Variants in DEUP1 observed in about 807,000 individuals in gnomAD.
DEUP1 encodes coiled-coil domain containing 67.
Under a neutral mutation model 87.4 loss-of-function variants are expected in DEUP1, and 82 were observed. The observed-to-expected ratio is 0.94, with a 90% CI of 0.78 to 1.13. DEUP1 has a LOEUF of 1.13. DEUP1 is among the 50% of genes most tolerant of loss of function. The pLI is 0.00. For missense variants in DEUP1, 663 were observed against 681.5 expected, an observed-to-expected ratio of 0.97 and a Z score of 0.30; for synonymous variants, 214 against 222.7, an observed-to-expected ratio of 0.96 and a Z score of 0.35.
chr11:93,417,020 G>C (rs999424657), intron 13 of DEUP1, among the ~76,000 whole-genome samples: 1 of 151,446 alleles, frequency 6.6e-6, no homozygotes, highest in African/African-American at 2.4e-5. Flanking sequence ...GGTATACATG[G>C]GACGTATCTC....
At chr11:93,405,350 T>C (rs1947239474) in intron 11 of DEUP1, among the ~76,000 whole-genome samples, 1 of 152,012 alleles carries the variant, frequency 6.6e-6, no homozygotes, top group African/African-American at 2.4e-5. Context: ...TACAGATTGC[T>C]CTTTTATCTG....
At position 93,408,328 on chromosome 11, in the gene DEUP1, A is replaced by T. The variant is rs1174426220; in HGVS notation, c.1424A>T (p.His475Leu). The T allele has an allele frequency of 1.9e-6, 3 of 1,578,252 alleles. No homozygotes were observed. The highest frequency in any genetic ancestry group is 2.3e-5 in the East Asian group (1 of 43,598). The change falls in exon 12 of 14, where the codon CAT becomes CTT. Residue 475 changes from histidine (H) to leucine (L), a missense_variant. By Grantham distance (99) the His-to-Leu change is moderately conservative (BLOSUM62 -3). Transcript: ENST00000298050. Reference protein sequence around the residue: ...ERLRNDLAKLHVNGKSTWTNQ... With the variant: ...ERLRNDLAKLLVNGKSTWTNQ... ...CTCCGAAATGATCTTGCAAAACTTC[A>T]TGTCAATGGAAAATCAACCTGGACT...
At chr11:93,392,659 T>G (rs1020116652) in intron 9 of DEUP1, among the ~76,000 whole-genome samples, 1 of 144,958 alleles carries the variant, frequency 6.9e-6, no homozygotes, top group Non-Finnish European at 1.5e-5. Context: ...GTAATAACAT[T>G]CTGGCTACAT....
chr11:93,332,375 A>G, intron 2 of DEUP1, 87 bp downstream of exon 2: 1 of 1,056,596 alleles, frequency 9.5e-7, no homozygotes. Context: ...GAAATTTACT[A>G]TTAATAGAAG....
intron 7 of DEUP1, among the ~76,000 whole-genome samples, chr11:93,379,325 T>C (rs1044166089): frequency 6.6e-6 from 1 of 152,218 alleles, no homozygotes; most frequent in African/African-American, 2.4e-5. Flanking sequence ...CTTTCCTTGA[T>C]CAACTCCACC....
chr11:93,362,897 T>A (rs1282436304), intron 4 of DEUP1, among the ~76,000 whole-genome samples: 1 of 151,866 alleles, frequency 6.6e-6, no homozygotes, highest in African/African-American at 2.4e-5. Context: ...TATCTCAATT[T>A]AAAATTATGA....
chr11:93,397,921 A>G lies in DEUP1; in HGVS notation c.1326+1596A>G, dbSNP rs114790689. Among the ~76,000 whole-genome samples, 279 of 152,270 alleles carry G rather than the reference A, an allele frequency of 1.8e-3. 2 individuals carry two copies. The highest frequency in any genetic ancestry group is 6.4e-3 in the African/African-American group (265 of 41,566). On this transcript the variant is annotated intron_variant, in intron 11 of 13. Coordinates refer to ENST00000298050, the MANE Select transcript of DEUP1 (RefSeq NM_181645.4). ...AAATATATGAGCATATAAGATATAC[A>G]TAATTTTTTATAAATTTAATCATAA...
intron 11 of DEUP1, among the ~76,000 whole-genome samples, chr11:93,407,186 T>C (rs1947304610): frequency 6.7e-6 from 1 of 150,044 alleles, no homozygotes; most frequent in Admixed American, 6.6e-5. Flanking sequence ...TATAAGGAAA[T>C]CAACACAGTG....
chr11:93,370,528 T>C (rs1369573424), intron 6 of DEUP1, among the ~76,000 whole-genome samples: 1 of 152,222 alleles, frequency 6.6e-6, no homozygotes, highest in African/African-American at 2.4e-5. Context: ...CTCATATACT[T>C]TTTAGCCTAT....
intron 9 of DEUP1, among the ~76,000 whole-genome samples, chr11:93,391,014 G>A (rs1396423599): frequency 2.0e-5 from 3 of 151,442 alleles, no homozygotes; most frequent in Admixed American, 1.3e-4. Context: ...CTCGGGAGGC[G>A]GAGGTTGCAG....
chr11:93,359,103 T>C (rs1220076643), intron 4 of DEUP1, among the ~76,000 whole-genome samples: 9 of 152,198 alleles, frequency 5.9e-5, no homozygotes, highest in Admixed American at 5.2e-4. Flanking sequence ...AAAAGTACTA[T>C]GTACTTGATT....
intron 11 of DEUP1, among the ~76,000 whole-genome samples, chr11:93,398,220 T>C (rs1947001939): frequency 6.6e-6 from 1 of 152,188 alleles, no homozygotes; most frequent in Admixed American, 6.5e-5. Context: ...TTGGAATCTT[T>C]CCAAGGTAAC....
At chr11:93,416,694 C>G (rs1234695707) in intron 13 of DEUP1, among the ~76,000 whole-genome samples, 2 of 151,786 alleles carry the variant, frequency 1.3e-5, no homozygotes, top group Non-Finnish European at 2.9e-5. Context: ...CCAGCATCAT[C>G]CTGATACCAA....
chr11:93,372,494 C>T (rs929388234), intron 7 of DEUP1, among the ~76,000 whole-genome samples: 12 of 152,124 alleles, frequency 7.9e-5, no homozygotes, highest in African/African-American at 2.7e-4. Context: ...TTTCTTAGTC[C>T]TCAGCCAACT....
rs577103287 is a variant in DEUP1, at chr11:93,335,017, G to C, written c.29+2729G>C. 8.5e-5 allele frequency among the ~76,000 whole-genome samples: 13 copies of C among 152,208 alleles called. No homozygotes were observed. In the South Asian group the frequency reaches 2.5e-3, roughly 29 times the overall value. ...AAAAATGTGCTTCAGTTATTTTCAT[G>C]ATTTCTGGATTTCATGATTTCTTTA... On this transcript the variant is annotated intron_variant, in intron 2 of 13. Coordinates refer to ENST00000298050, the MANE Select transcript of DEUP1 (RefSeq NM_181645.4).
At chr11:93,370,958 C>G in intron 6 of DEUP1, 80 bp from the exon 7 acceptor site, 1 of 1,260,142 alleles carries the variant, frequency 7.9e-7, no homozygotes, top group Non-Finnish European at 1.1e-6. Context: ...CCTACTAATT[C>G]TTTTCTATCA....
chr11:93,341,370 A>C (rs1177567788), intron 2 of DEUP1, among the ~76,000 whole-genome samples: 1 of 152,140 alleles, frequency 6.6e-6, no homozygotes, highest in East Asian at 1.9e-4. Flanking sequence ...CGCCTCCGTC[A>C]TGTAAGAAGT....
intron 2 of DEUP1, among the ~76,000 whole-genome samples, chr11:93,343,509 TAGAAA>T (rs1944181289): frequency 6.6e-6 from 1 of 152,240 alleles, no homozygotes; most frequent in Non-Finnish European, 1.5e-5. Context: ...TTTGTATTTT[TAGAAA>T]AATATAAAGA....
chr11:93,389,015 T>A lies in DEUP1; in HGVS notation c.936-5T>A. ...TTTAATCATTATTTTATGTTTAATT[T>A]GTAGACTTGAATCATCTTATTTGCC... On this transcript the variant is annotated splice_region_variant and splice_polypyrimidine_tract_variant and intron_variant, in intron 8 of 13. Transcript: ENST00000298050. 1 of 1,421,344 alleles carries A rather than the reference T, an allele frequency of 7.0e-7. No homozygotes were observed. The highest frequency in any genetic ancestry group is 9.8e-7 in the Non-Finnish European group (1 of 1,024,236). 88.0% of individuals were successfully genotyped at this position (1,421,344 alleles called of 1,614,324 possible). A position where few individuals can be genotyped will look rare whatever the true frequency, so the allele number is the denominator to read the frequency against.
Sources: allele counts gnomAD v4.1 joint callset (sites outside exome capture counted in the v4.1 genomes callset), GRCh38; gene constraint gnomAD v4.1.1; transcripts MANE v1.5; gene names NCBI Gene and HGNC (gene_info 2026-07-23, HGNC 2026-07-21).